The following PPP1R9A variants were observed in gnomAD, a reference collection of about 807,000 sequenced individuals.
The protein encoded by PPP1R9A is neurabin-1.
Under a neutral mutation model 141.9 loss-of-function variants are expected in PPP1R9A, and 59 were observed. The observed-to-expected ratio is 0.42, with a 90% CI of 0.34 to 0.52. The LOEUF is 0.52. Ranked by LOEUF, PPP1R9A falls within the 20% of genes least tolerant of loss-of-function variation. PPP1R9A has a pLI of 0.10. For missense variants in PPP1R9A, 1,444 were observed against 1,611.9 expected, an observed-to-expected ratio of 0.90 and a Z score of 1.78; for synonymous variants, 500 against 569.7, an observed-to-expected ratio of 0.88 and a Z score of 1.74.
At chr7:95,025,477 C>T (rs34828381) in intron 2 of PPP1R9A, among the ~76,000 whole-genome samples, 14,745 of 152,152 alleles carry the variant, frequency 0.097, 795 homozygotes, top group Admixed American at 0.15. Context: ...GTGGGTAACC[C>T]GACATTTCTC....
intron 2 of PPP1R9A, among the ~76,000 whole-genome samples, chr7:94,984,863 G>T (rs1175954603): frequency 6.6e-6 from 1 of 151,840 alleles, no homozygotes; most frequent in East Asian, 1.9e-4. Flanking sequence ...GTTATTTCTT[G>T]CCTTCTGCTA....
At chr7:95,286,379 A>G (rs1014284296) in intron 18 of PPP1R9A, 54 bp downstream of exon 18, 3 of 1,598,046 alleles carry the variant, frequency 1.9e-6, no homozygotes, top group East Asian at 2.2e-5. Context: ...CGTTTTACCC[A>G]TGAACCATCA....
intron 4 of PPP1R9A, among the ~76,000 whole-genome samples, chr7:95,149,923 T>G (rs149288840): frequency 6.6e-6 from 1 of 151,568 alleles, no homozygotes; most frequent in Non-Finnish European, 1.5e-5. Context: ...AATAACAAAG[T>G]TGGAGGAGTG....
At chr7:95,075,548 A>G (rs899277458) in intron 2 of PPP1R9A, among the ~76,000 whole-genome samples, 2 of 152,076 alleles carry the variant, frequency 1.3e-5, no homozygotes, top group Non-Finnish European at 2.9e-5. Context: ...ATGGAGAGGT[A>G]GGCTGGGCAT....
chr7:94,967,449 AT>A (rs1798346677), intron 2 of PPP1R9A, among the ~76,000 whole-genome samples: 1 of 152,132 alleles, frequency 6.6e-6, no homozygotes, highest in African/African-American at 2.4e-5. Context: ...TCTTGTGGGC[AT>A]TTAGTGCTAT....
intron 2 of PPP1R9A, among the ~76,000 whole-genome samples, chr7:95,072,549 C>G (rs1813992969): frequency 7.3e-6 from 1 of 136,780 alleles, no homozygotes; most frequent in Non-Finnish European, 1.5e-5. Context: ...ATTACGGTGT[C>G]TGTCAGAATT....
At chr7:95,128,608 C>T (rs1027932257) in intron 4 of PPP1R9A, among the ~76,000 whole-genome samples, 1 of 152,002 alleles carries the variant, frequency 6.6e-6, no homozygotes, top group South Asian at 2.1e-4. Flanking sequence ...TGGAGTTTCG[C>T]TTTTGTTGCC....
At chr7:94,934,527 T>C (rs561848682) in intron 2 of PPP1R9A, among the ~76,000 whole-genome samples, 10 of 152,200 alleles carry the variant, frequency 6.6e-5, no homozygotes, top group African/African-American at 2.2e-4. Flanking sequence ...ATCTGGCCTT[T>C]GAATTCAGAT....
intron 2 of PPP1R9A, among the ~76,000 whole-genome samples, chr7:95,027,300 C>T (rs749965127): frequency 2.2e-4 from 33 of 152,168 alleles, no homozygotes; most frequent in Non-Finnish European, 4.4e-4. Flanking sequence ...CCATTCCTCA[C>T]AGCACAGTCC....
chr7:95,080,010 T>C lies in PPP1R9A; in HGVS notation c.1396-31249T>C, dbSNP rs1469217767. Among the ~76,000 whole-genome samples, 1,142 of 152,014 alleles carry C rather than the reference T, an allele frequency of 7.5e-3. 13 individuals carry two copies. Among genetic ancestry groups the C allele is most frequent in the African/African-American group, 0.026 (1,091 of 41,414 alleles). ...TGAATGGGCAAAAACTGGAAGCATT[T>C]CCTTTGAAAACTGGCACAAGACAGG... On this transcript the variant is annotated intron_variant, in intron 2 of 19. Transcript: ENST00000433360.
intron 2 of PPP1R9A, among the ~76,000 whole-genome samples, chr7:94,978,293 A>C (rs1405062173): frequency 6.6e-6 from 1 of 152,218 alleles, no homozygotes; most frequent in Admixed American, 6.5e-5. Flanking sequence ...CCAAAAAGCC[A>C]AATTATGGCT....
intron 2 of PPP1R9A, among the ~76,000 whole-genome samples, chr7:94,942,371 C>T (rs990429053): frequency 4.6e-5 from 7 of 152,128 alleles, no homozygotes; most frequent in African/African-American, 7.2e-5. Context: ...ATGAAAAGAT[C>T]ATGATTTTAA....
intron 2 of PPP1R9A, 68 bp from the exon 3 acceptor site, chr7:95,111,191 A>T (rs559507207): frequency 7.0e-7 from 1 of 1,421,540 alleles, no homozygotes; most frequent in Non-Finnish European, 9.5e-7. Flanking sequence ...TTAAACTTAC[A>T]TAGTTTTGGA....
intron 2 of PPP1R9A, among the ~76,000 whole-genome samples, chr7:95,075,364 C>A (rs964459126): frequency 6.6e-6 from 1 of 152,068 alleles, no homozygotes; most frequent in African/African-American, 2.4e-5. Flanking sequence ...AAAAAAAAGT[C>A]ATCTTCTGCC....
At chr7:94,938,037 C>T (rs1335510352) in intron 2 of PPP1R9A, among the ~76,000 whole-genome samples, 1 of 152,106 alleles carries the variant, frequency 6.6e-6, no homozygotes, top group Non-Finnish European at 1.5e-5. Flanking sequence ...CAGTGGGGTA[C>T]TCTGGTAGAG....
intron 17 of PPP1R9A, among the ~76,000 whole-genome samples, 158 bp downstream of exon 17, chr7:95,284,488 C>T (rs1012150969): frequency 2.6e-5 from 4 of 152,184 alleles, no homozygotes; most frequent in African/African-American, 9.6e-5. Context: ...CTCAGTTTGA[C>T]AGTTAAGCCA....
intron 4 of PPP1R9A, among the ~76,000 whole-genome samples, chr7:95,144,371 C>T (rs1031525400): frequency 2.6e-5 from 4 of 152,200 alleles, no homozygotes; most frequent in African/African-American, 7.2e-5. Context: ...TGTGTAAAAT[C>T]ACATTTTCTT....
Position 95,226,100 on chromosome 7 carries a change from G to C in PPP1R9A, c.2096G>C (p.Ser699Thr), listed in dbSNP as rs2152953573. The C allele has an allele frequency of 1.9e-6, 3 of 1,612,876 alleles. No homozygotes were observed. The East Asian group carries it at 6.7e-5, about 36-fold the overall frequency. Reference sequence around the variant, plus strand: ...TCAGAACTGGACACAAGCAAGCTCAGTCACAAGTTCAAAGAGGTATGCCAC... The same window carrying C: ...TCAGAACTGGACACAAGCAAGCTCACTCACAAGTTCAAAGAGGTATGCCAC... ...SPSELDTSKL[S>T]HKFKELQIKH... Residue 699 changes from serine (S) to threonine (T), a missense_variant, in exon 8 of 20, where the codon AGT becomes ACT. Transcript: ENST00000433360.
intron 2 of PPP1R9A, among the ~76,000 whole-genome samples, chr7:94,960,435 A>G (rs1247881190): frequency 1.3e-5 from 2 of 151,666 alleles, no homozygotes; most frequent in African/African-American, 4.8e-5. Flanking sequence ...CTAATCCTAT[A>G]GTGTCCTTTA....
Sources: gnomAD v4.1 joint callset for allele counts (sites outside exome capture counted in the v4.1 genomes callset) on GRCh38, gnomAD v4.1.1 for gene constraint, MANE v1.5 for transcripts, NCBI Gene and HGNC (gene_info 2026-07-23, HGNC 2026-07-21) for gene names.